The following GLI2 variants were observed in gnomAD, a reference collection of about 807,000 sequenced individuals.
GLI2 encodes transcription activator GLI2.
A neutral mutation model predicts 78.9 loss-of-function variants in GLI2; 22 were observed. The observed-to-expected ratio is 0.28, with a 90% CI of 0.20 to 0.40. The LOEUF (loss-of-function observed/expected upper bound fraction) is 0.40. Among genes scored for constraint, GLI2 ranks in the 10% least tolerant of loss-of-function variants. The pLI is 1.00. For synonymous variants in GLI2, 974 were observed against 963.7 expected (o/e 1.01, Z -0.20); for missense variants, 2,097 against 2,213.2 (o/e 0.95, Z 1.05).
In GLI2 at chr2:120,737,507, TAC is replaced by T. The variant is rs1392082632; in HGVS notation, c.-31+1223_-31+1224del. The stretch of plus-strand genomic sequence containing the variant: ...CCAGCTGGAAAAGTAGACCTGTCCC[TAC>T]TGTCTGGTCCCGCGCCCTGGGAGTC... On this transcript the variant is annotated intron_variant, in intron 1 of 13. Transcript: ENST00000361492. The surrounding 1 kb of genome is among the most constrained non-coding windows in gnomAD (Gnocchi z 4.3). Among the ~76,000 whole-genome samples, 1 of 152,168 alleles carries T rather than the reference TAC, an allele frequency of 6.6e-6. No individual in the cohort carries two copies. The highest frequency in any genetic ancestry group is 2.4e-5 in the African/African-American group (1 of 41,438).
chr2:120,886,420 C>T (rs550672868), intron 2 of GLI2, among the ~76,000 whole-genome samples: 15 of 152,048 alleles, frequency 9.9e-5, no homozygotes, highest in South Asian at 2.1e-4. Context: ...CGCGCACCAC[C>T]ACACTTAGCT....
rs1480624580 is a variant in GLI2, at chr2:120,990,037, C to T, written c.4072C>T (p.Leu1358Phe). The change falls in exon 14 of 14, where the codon CTC becomes TTC. Residue 1358 changes from leucine to phenylalanine, a missense_variant. Around this residue, in one of 5 missense-constraint regions of GLI2, gnomAD observed 1,290 missense variants for 1,261.7 expected, o/e 1.02. Coordinates refer to ENST00000361492, the MANE Select transcript of GLI2 (RefSeq NM_001374353.1). ...GFGLVQPRPP[L>F]EPSPTGRHRG... is the part of the protein sequence containing the mutation. ...TGGCCTAGTGCAGCCCCGGCCTCCCCTCGAGCCCAGCCCCACTGGCCGCCA... is the reference window on the plus strand; with the variant it reads ...TGGCCTAGTGCAGCCCCGGCCTCCCTTCGAGCCCAGCCCCACTGGCCGCCA... 1 of 1,604,684 alleles carries T rather than the reference C, an allele frequency of 6.2e-7. No homozygotes were observed. The highest frequency in any genetic ancestry group is 1.1e-5 in the South Asian group (1 of 90,168).
intron 1 of GLI2, among the ~76,000 whole-genome samples, chr2:120,747,192 A>G (rs1447513721): frequency 6.6e-6 from 1 of 152,236 alleles, no homozygotes; most frequent in Non-Finnish European, 1.5e-5. Context: ...TTCCAGCAGT[A>G]TGTACCTAGC....
chr2:120,962,986 A>C (rs574719480), intron 5 of GLI2, among the ~76,000 whole-genome samples: 1 of 152,206 alleles, frequency 6.6e-6, no homozygotes, highest in Admixed American at 6.5e-5. Flanking sequence ...TCACTCCTGC[A>C]TCTTTCTTTG....
intron 3 of GLI2, among the ~76,000 whole-genome samples, chr2:120,939,539 T>C (rs1355003525): frequency 6.6e-6 from 1 of 152,240 alleles, no homozygotes; most frequent in African/African-American, 2.4e-5. Context: ...TGCTTTGTCA[T>C]GCTTTATATA....
chr2:120,927,716 G>A (rs1178526514), intron 3 of GLI2, among the ~76,000 whole-genome samples: 1 of 152,202 alleles, frequency 6.6e-6, no homozygotes, highest in African/African-American at 2.4e-5. Flanking sequence ...GGCTTCCTTG[G>A]TGTATCTATA....
Position 120,963,615 on chromosome 2 carries a change from G to A in GLI2, c.644-5099G>A, listed in dbSNP as rs1016123600. ...GTGTGTGTGTGTCCACCTGGGGTGT[G>A]TGTGTGTGTCTCCACCTGGGGCCCC... On this transcript the variant is annotated intron_variant, in intron 5 of 13. Transcript: ENST00000361492. Among the ~76,000 whole-genome samples the A allele has an allele frequency of 2.0e-5, 3 of 151,946 alleles. No individual in the cohort carries two copies. The South Asian group carries it at 6.2e-4, about 32-fold the overall frequency.
chr2:120,795,553 A>T (rs919527931), intron 1 of GLI2, among the ~76,000 whole-genome samples: 2 of 151,248 alleles, frequency 1.3e-5, no homozygotes, highest in Non-Finnish European at 2.9e-5. Flanking sequence ...AAAAAACAAC[A>T]TAAAACAGAA....
intron 1 of GLI2, among the ~76,000 whole-genome samples, chr2:120,740,563 A>G (rs1293227123): frequency 1.3e-5 from 2 of 152,178 alleles, no homozygotes; most frequent in Non-Finnish European, 2.9e-5. Context: ...CAGCAAAGGG[A>G]AGGAAAGCCG....
intron 2 of GLI2, among the ~76,000 whole-genome samples, chr2:120,826,138 G>C (rs956670889): frequency 1.3e-5 from 2 of 152,208 alleles, no homozygotes; most frequent in African/African-American, 4.8e-5. Flanking sequence ...TGGGGTGGGA[G>C]GGAGCTGTGG....
At chr2:120,835,135 G>A (rs1686548013) in intron 2 of GLI2, among the ~76,000 whole-genome samples, 1 of 152,206 alleles carries the variant, frequency 6.6e-6, no homozygotes, top group Admixed American at 6.5e-5. Flanking sequence ...GTGAAGACCA[G>A]GATTTGGGGG....
At chr2:120,901,666 A>G (rs1678264091) in intron 2 of GLI2, among the ~76,000 whole-genome samples, 1 of 152,252 alleles carries the variant, frequency 6.6e-6, no homozygotes, top group African/African-American at 2.4e-5. Flanking sequence ...ATATCGTCTT[A>G]AAGAATGATT....
intron 1 of GLI2, among the ~76,000 whole-genome samples, chr2:120,793,918 G>T (rs1684263730): frequency 6.6e-6 from 1 of 152,188 alleles, no homozygotes; most frequent in African/African-American, 2.4e-5. Context: ...CTCCCCATGG[G>T]GGCCTCAGCT....
chr2:120,967,885 C>T (rs746081053), intron 5 of GLI2, among the ~76,000 whole-genome samples: 2 of 152,216 alleles, frequency 1.3e-5, no homozygotes, highest in African/African-American at 2.4e-5. Flanking sequence ...TGCCCTGTTA[C>T]AGCAGGCTGC....
chr2:120,758,940 T>C (rs1349573530), intron 1 of GLI2, among the ~76,000 whole-genome samples: 1 of 152,100 alleles, frequency 6.6e-6, no homozygotes, highest in African/African-American at 2.4e-5. Context: ...TCCTCTCCCC[T>C]CTGGAGGAAG....
At chr2:120,746,278 T>C (rs1196147653) in intron 1 of GLI2, among the ~76,000 whole-genome samples, 1 of 152,260 alleles carries the variant, frequency 6.6e-6, no homozygotes, top group Non-Finnish European at 1.5e-5. Context: ...CCTGTTCTCA[T>C]GCTTACAGTG....
At chr2:120,761,232 C>G (rs958878602) in intron 1 of GLI2, among the ~76,000 whole-genome samples, 1 of 152,160 alleles carries the variant, frequency 6.6e-6, no homozygotes, top group Non-Finnish European at 1.5e-5. Context: ...AAACTTGGGG[C>G]TTGACCCAGG....
intron 1 of GLI2, among the ~76,000 whole-genome samples, chr2:120,786,942 T>A (rs1243698964): frequency 6.6e-6 from 1 of 152,204 alleles, no homozygotes; most frequent in Non-Finnish European, 1.5e-5. Flanking sequence ...CTTGAAGACT[T>A]GAGTGCCTGA....
intron 13 of GLI2, among the ~76,000 whole-genome samples, chr2:120,987,261 A>G (rs1225484992): frequency 6.6e-6 from 1 of 152,194 alleles, no homozygotes; most frequent in Admixed American, 6.5e-5. Flanking sequence ...TGTGGTCAAC[A>G]CTGATGTACC....
Sources: gnomAD v4.1 joint callset for allele counts (sites outside exome capture counted in the v4.1 genomes callset) on GRCh38, gnomAD v4.1.1 for gene constraint, gnomAD v4.1.1 regional missense constraint, Gnocchi (gnomAD v3.1) non-coding constraint, MANE v1.5 for transcripts, NCBI Gene and HGNC (gene_info 2026-07-23, HGNC 2026-07-21) for gene names.